The following TAF12 variants were observed in gnomAD, a reference collection of about 807,000 sequenced individuals.
TAF12 encodes TATA-box binding protein associated factor 12, also known as transcription initiation factor TFIID subunit 12.
Under a neutral mutation model 20.8 loss-of-function variants are expected in TAF12, and 3 were observed. That is an observed-to-expected ratio of 0.14 (90% confidence interval 0.07 to 0.37). TAF12 has a LOEUF of 0.37. TAF12 is among the 10% of genes least tolerant of loss of function. The probability of loss-of-function intolerance (pLI) is 1.00; values close to 1 mark genes in which losing one functional copy is unlikely to be tolerated. For synonymous variants in TAF12, 69 were observed against 70.2 expected (o/e 0.98, Z 0.09); for missense variants, 131 against 197.9 (o/e 0.66, Z 2.03).
chr1:28,610,247 C>G (rs955937903), intron 4 of TAF12, among the ~76,000 whole-genome samples: 5 of 152,212 alleles, frequency 3.3e-5, no homozygotes, highest in African/African-American at 9.6e-5. Context: ...GGATTACAGG[C>G]GTGAGCCACT....
upstream of TAF12, among the ~76,000 whole-genome samples, chr1:28,647,195 T>G (rs1668214082): frequency 6.6e-6 from 1 of 152,178 alleles, no homozygotes; most frequent in Non-Finnish European, 1.5e-5. Flanking sequence ...TCTGGCAAGA[T>G]AAACACTAAA....
At chr1:28,640,106 G>A (rs777768794) in intron 1 of TAF12, among the ~76,000 whole-genome samples, 55 of 152,308 alleles carry the variant, frequency 3.6e-4, no homozygotes, top group Admixed American at 1.7e-3. Context: ...GCCTCCCAAA[G>A]TGCTGGGATT....
At chr1:28,648,244 T>C in exon 1 of TAF12, 4 of 985,350 alleles carry the variant, frequency 4.1e-6, no homozygotes, top group Non-Finnish European at 4.8e-6. Context: ...TGAGACGCCT[T>C]CTGTCGTGAG....
At chr1:28,619,064 A>C (rs191992227) in intron 2 of TAF12, among the ~76,000 whole-genome samples, 67 of 151,832 alleles carry the variant, frequency 4.4e-4, no homozygotes, top group Non-Finnish European at 7.1e-4. Context: ...AACAAACAAA[A>C]AAAAGGGCCT....
chr1:28,645,508 C>T (rs887938815), upstream of TAF12, among the ~76,000 whole-genome samples: 3 of 150,816 alleles, frequency 2.0e-5, no homozygotes, highest in Admixed American at 6.6e-5. Context: ...ATTAGCTGGG[C>T]GTGGTGGTGC....
chr1:28,610,771 C>T (rs966798294), intron 4 of TAF12, among the ~76,000 whole-genome samples: 1 of 151,842 alleles, frequency 6.6e-6, no homozygotes, highest in South Asian at 2.1e-4. Flanking sequence ...ACCAGCCTGG[C>T]CAATATGGTG....
chr1:28,634,886 G>A (rs1164364963), intron 1 of TAF12, among the ~76,000 whole-genome samples: 4 of 150,566 alleles, frequency 2.7e-5, no homozygotes, highest in South Asian at 4.2e-4. Context: ...CCGAGATCAC[G>A]CCATTGCACT....
chr1:28,630,953 G>C (rs552423878), intron 1 of TAF12, among the ~76,000 whole-genome samples: 1 of 149,418 alleles, frequency 6.7e-6, no homozygotes, highest in Non-Finnish European at 1.5e-5. Flanking sequence ...GGCTGAGGCA[G>C]AGAAGTACTT....
At chr1:28,631,014 C>T (rs1667598786) in intron 1 of TAF12, among the ~76,000 whole-genome samples, 1 of 136,864 alleles carries the variant, frequency 7.3e-6, no homozygotes, top group Admixed American at 8.0e-5. Flanking sequence ...CACTGCACTC[C>T]ATCCTGGGTG....
chr1:28,647,150 T>C (rs1488539824), upstream of TAF12, among the ~76,000 whole-genome samples: 2 of 152,136 alleles, frequency 1.3e-5, no homozygotes, highest in African/African-American at 2.4e-5. Flanking sequence ...CATTTATTTT[T>C]ATATATATAC....
At chr1:28,637,292 C>T (rs976795539) in intron 1 of TAF12, among the ~76,000 whole-genome samples, 19 of 151,888 alleles carry the variant, frequency 1.3e-4, no homozygotes, top group African/African-American at 3.9e-4. Flanking sequence ...CAGGCTCGAG[C>T]GCAGTGGCAC....
intron 1 of TAF12, among the ~76,000 whole-genome samples, chr1:28,625,951 A>G (rs928511599): frequency 3.3e-5 from 5 of 151,402 alleles, no homozygotes; most frequent in African/African-American, 1.2e-4. Flanking sequence ...GAGTGCTGGA[A>G]TTATAGGCTT....
At chr1:28,648,062 C>T, upstream of TAF12, 1 of 577,048 alleles carries the variant, frequency 1.7e-6, no homozygotes, top group Non-Finnish European at 2.2e-6. Flanking sequence ...CCATGACAAT[C>T]AGCTTATGCG....
At chr1:28,614,609 G>A (rs1666969223) in intron 3 of TAF12, among the ~76,000 whole-genome samples, 5 of 151,778 alleles carry the variant, frequency 3.3e-5, no homozygotes, top group African/African-American at 4.8e-5. Flanking sequence ...CTGAAGCCGG[G>A]GCAGCAGAGG....
At chr1:28,625,557 T>C (rs911590842) in intron 1 of TAF12, among the ~76,000 whole-genome samples, 1 of 151,186 alleles carries the variant, frequency 6.6e-6, no homozygotes, top group Non-Finnish European at 1.5e-5. Flanking sequence ...TTTTTTTTTT[T>C]TTGAGACGGA....
At chr1:28,647,543 C>T (rs1481311286), upstream of TAF12, among the ~76,000 whole-genome samples, 1 of 152,104 alleles carries the variant, frequency 6.6e-6, no homozygotes, top group East Asian at 1.9e-4. Flanking sequence ...GGATTACAGG[C>T]ATGACCCACA....
At chr1:28,633,231 A>G (rs1367552601) in intron 1 of TAF12, among the ~76,000 whole-genome samples, 3 of 148,420 alleles carry the variant, frequency 2.0e-5, no homozygotes, top group Non-Finnish European at 3.0e-5. Context: ...CAGGAGCCCA[A>G]TCTTGGCTCA....
upstream of TAF12, chr1:28,643,098 G>C: frequency 2.0e-6 from 2 of 985,868 alleles, no homozygotes; most frequent in South Asian, 4.7e-5. Context: ...TTCCGGCACC[G>C]CTCCCCGCCT....
At chr1:28,620,216 C>G (rs1667170131) in intron 2 of TAF12, among the ~76,000 whole-genome samples, 1 of 151,190 alleles carries the variant, frequency 6.6e-6, no homozygotes, top group Non-Finnish European at 1.5e-5. Flanking sequence ...TCACTGCAAC[C>G]TCTGCCTCCC....
Sources: allele counts gnomAD v4.1 joint callset (sites outside exome capture counted in the v4.1 genomes callset), GRCh38; gene constraint gnomAD v4.1.1; transcripts MANE v1.5; gene names NCBI Gene and HGNC (gene_info 2026-07-23, HGNC 2026-07-21).